TAF4B: variants seen among roughly 807,000 people sequenced by gnomAD.
TAF4B encodes the protein transcription initiation factor TFIID subunit 4B.
TAF4B carries 38 observed loss-of-function variants against 86.4 expected under a neutral mutation model. The ratio of observed to expected loss-of-function variants is 0.44; its 90% confidence interval spans 0.34 to 0.58. TAF4B has a LOEUF of 0.58. Ranked by LOEUF, TAF4B falls within the 20% of genes least tolerant of loss-of-function variation. The pLI is 0.02. For synonymous variants in TAF4B, 388 were observed against 391.2 expected (o/e 0.99, Z 0.10); for missense variants, 988 against 1,027.6 (o/e 0.96, Z 0.53).
chr18:26,368,711 A>G (rs2057387419), intron 14 of TAF4B, among the ~76,000 whole-genome samples: 1 of 146,664 alleles, frequency 6.8e-6, no homozygotes, highest in Non-Finnish European at 1.5e-5. Flanking sequence ...ATATTTTAAG[A>G]TTTTTTTTTT....
At chr18:26,241,584 C>T (rs918983214) in intron 1 of TAF4B, among the ~76,000 whole-genome samples, 1 of 152,132 alleles carries the variant, frequency 6.6e-6, no homozygotes, top group African/African-American at 2.4e-5. Context: ...TCTCTATCTC[C>T]TTCAGTTCTG....
At chr18:26,227,351 G>T (rs749361213) in intron 1 of TAF4B, 75 bp downstream of exon 1, 6 of 1,398,756 alleles carry the variant, frequency 4.3e-6, no homozygotes, top group Non-Finnish European at 5.9e-6. Flanking sequence ...GCTCCAGATT[G>T]CTCCTAAAAA....
intron 10 of TAF4B, among the ~76,000 whole-genome samples, chr18:26,316,839 T>C (rs1568149365): frequency 6.6e-6 from 1 of 152,190 alleles, no homozygotes; most frequent in Non-Finnish European, 1.5e-5. Flanking sequence ...CCATTTTCTT[T>C]TTTGCATATG....
At chr18:26,367,763 T>A (rs1283853416) in intron 14 of TAF4B, among the ~76,000 whole-genome samples, 1 of 152,230 alleles carries the variant, frequency 6.6e-6, no homozygotes, top group Non-Finnish European at 1.5e-5. Context: ...TTGTTATAAA[T>A]AATGAGCATC....
intron 1 of TAF4B, chr18:26,256,220 C>G: frequency 1.2e-6 from 2 of 1,601,110 alleles, no homozygotes; most frequent in Non-Finnish European, 1.7e-6. Context: ...CTGAAGGAGT[C>G]TCATGCAATC....
In TAF4B at chr18:26,362,252, T is replaced by A. The variant is rs997102964; in HGVS notation, c.2421+4458T>A. Among the ~76,000 whole-genome samples, 5 of 152,200 alleles carry A rather than the reference T, an allele frequency of 3.3e-5. No individual in the cohort carries two copies. The South Asian group carries it at 1.0e-3, about 32-fold the overall frequency. The stretch of plus-strand genomic sequence containing the variant: ...TGTAAAATGGGCATATTGCCTGTCT[T>A]ATGTTTTAAGGATTGGTTTATGTGA... On this transcript the variant is annotated intron_variant, in intron 14 of 14. Coordinates refer to ENST00000269142, the MANE Select transcript of TAF4B (RefSeq NM_005640.3).
intron 3 of TAF4B, 36 bp from the exon 4 acceptor site, chr18:26,274,627 A>G: frequency 6.2e-7 from 1 of 1,608,838 alleles, no homozygotes; most frequent in Non-Finnish European, 8.5e-7. Context: ...GTATCATAGT[A>G]ATACATGCCT....
chr18:26,252,937 G>T (rs1301409860), intron 1 of TAF4B, among the ~76,000 whole-genome samples: 1 of 151,786 alleles, frequency 6.6e-6, no homozygotes, highest in Non-Finnish European at 1.5e-5. Flanking sequence ...AATATGTGGG[G>T]TTCAGCACTG....
In TAF4B at chr18:26,231,344, G is replaced by GTTTTTTTTTTTTT. The variant is rs1260610897; in HGVS notation, c.343+4068_343+4069insTTTTTTTTTTTTT. On this transcript the variant is annotated intron_variant, in intron 1 of 14. Transcript: ENST00000269142. ...AGATGTGAGCCACCCAGCTGCTTGGGGTTTTTTTTTTTTTTTTTTTTTTTT... is the reference window on the plus strand; with the variant it reads ...AGATGTGAGCCACCCAGCTGCTTGGGTTTTTTTTTTTTTGTTTTTTTTTTTTTTTTTTTTTTTT... Among the ~76,000 whole-genome samples, 2 of 60,788 alleles carry GTTTTTTTTTTTTT rather than the reference G, an allele frequency of 3.3e-5. 1 individual carries two copies. Among genetic ancestry groups the GTTTTTTTTTTTTT allele is most frequent in the Non-Finnish European group, 5.9e-5 (2 of 34,104 alleles). 39.9% of individuals were successfully genotyped at this position (60,788 alleles called of 152,430 possible). A position where few individuals can be genotyped will look rare whatever the true frequency, so the allele number is the denominator to read the frequency against.
intron 11 of TAF4B, among the ~76,000 whole-genome samples, chr18:26,323,412 G>C (rs2056978464): frequency 6.6e-6 from 1 of 152,002 alleles, no homozygotes; most frequent in Non-Finnish European, 1.5e-5. Flanking sequence ...TGCAATCATA[G>C]CTCATTGCAA....
At chr18:26,260,352 T>C (rs1359956691) in intron 1 of TAF4B, among the ~76,000 whole-genome samples, 1 of 152,238 alleles carries the variant, frequency 6.6e-6, no homozygotes, top group African/African-American at 2.4e-5. Context: ...ATGAAGTCCT[T>C]GCCCATGCCT....
intron 13 of TAF4B, among the ~76,000 whole-genome samples, chr18:26,355,395 A>T (rs2057280473): frequency 6.6e-6 from 1 of 152,176 alleles, no homozygotes; most frequent in South Asian, 2.1e-4. Context: ...TACTTATTGT[A>T]GTCTTTATCC....
rs556933835 is a variant in TAF4B at position 26,350,823 on chromosome 18, A to G, written c.2317-6867A>G. On this transcript the variant is annotated intron_variant, in intron 13 of 14. Coordinates refer to ENST00000269142, the MANE Select transcript of TAF4B (RefSeq NM_005640.3). ...AAATGAAAATTAAAACCACAACTAG[A>G]TATCATTCGACCCCAGTGAAGATGG... Among the ~76,000 whole-genome samples, 7 of 152,338 alleles carry G rather than the reference A, an allele frequency of 4.6e-5. No homozygotes were observed. The East Asian group carries it at 1.2e-3, about 25-fold the overall frequency.
intron 9 of TAF4B, chr18:26,295,054 A>C (rs1002270648): frequency 6.5e-6 from 1 of 153,114 alleles, no homozygotes; most frequent in East Asian, 1.8e-4. Context: ...TCTGGCAAAC[A>C]TTTGGATCTT....
chr18:26,280,133 C>T (rs1367239314), intron 5 of TAF4B, among the ~76,000 whole-genome samples: 1 of 151,728 alleles, frequency 6.6e-6, no homozygotes. Context: ...TGAAACTGGA[C>T]CCCTACTTTT....
chr18:26,374,070 A>T (rs1320048269), intron 14 of TAF4B, among the ~76,000 whole-genome samples: 1 of 152,178 alleles, frequency 6.6e-6, no homozygotes, highest in Non-Finnish European at 1.5e-5. Context: ...AGAATTTAAG[A>T]TTCCCATGTC....
intron 3 of TAF4B, among the ~76,000 whole-genome samples, chr18:26,274,173 GCTTA>G (rs1270626317): frequency 6.6e-6 from 1 of 152,070 alleles, no homozygotes; most frequent in African/African-American, 2.4e-5. Flanking sequence ...TATTCTTCAT[GCTTA>G]CTTTAATGGT....
intron 1 of TAF4B, among the ~76,000 whole-genome samples, chr18:26,239,180 G>T (rs894032223): frequency 6.6e-6 from 1 of 152,186 alleles, no homozygotes; most frequent in African/African-American, 2.4e-5. Flanking sequence ...CTTCCACAAT[G>T]GTTGAACTAG....
chr18:26,294,914 A>G (rs2056643040), intron 9 of TAF4B, among the ~76,000 whole-genome samples: 1 of 150,314 alleles, frequency 6.7e-6, no homozygotes, highest in Admixed American at 6.6e-5. Flanking sequence ...ATAACACATG[A>G]AAAGAGTGAT....
Sources: gnomAD v4.1 joint callset for allele counts (sites outside exome capture counted in the v4.1 genomes callset) on GRCh38, gnomAD v4.1.1 for gene constraint, MANE v1.5 for transcripts, NCBI Gene and HGNC (gene_info 2026-07-23, HGNC 2026-07-21) for gene names.